The following PTPRD variants were observed in gnomAD, a reference collection of about 807,000 sequenced individuals.
PTPRD encodes the protein protein tyrosine phosphatase receptor type D, also known as receptor-type tyrosine-protein phosphatase delta.
A neutral mutation model predicts 214.5 loss-of-function variants in PTPRD; 34 were observed. That is an observed-to-expected ratio of 0.16 (90% CI 0.12 to 0.21). PTPRD has a LOEUF of 0.21. Among genes scored for constraint, PTPRD ranks in the 10% least tolerant of loss-of-function variants. PTPRD has a pLI of 1.00. For synonymous variants in PTPRD, 1,128 were observed against 845.7 expected (o/e 1.33, Z -5.79); for missense variants, 2,545 against 2,398.7 (o/e 1.06, Z -1.27).
At chr9:8,319,789 C>T (rs532960158) in intron 45 of PTPRD, 42 bp downstream of exon 45, 19 of 1,609,310 alleles carry the variant, frequency 1.2e-5, no homozygotes, top group Admixed American at 6.8e-5. Flanking sequence ...GCTAGCAAAA[C>T]GTAGGCTCTT....
intron 3 of PTPRD, among the ~76,000 whole-genome samples, chr9:10,334,038 GTA>G (rs1189668608): frequency 2.6e-5 from 4 of 151,604 alleles, no homozygotes; most frequent in Non-Finnish European, 4.4e-5. Flanking sequence ...AAACAGGCAA[GTA>G]TATATAGTGG....
At chr9:9,464,494 C>T (rs1052033959) in intron 8 of PTPRD, among the ~76,000 whole-genome samples, 2 of 152,096 alleles carry the variant, frequency 1.3e-5, no homozygotes, top group African/African-American at 2.4e-5. Flanking sequence ...CTATATATTG[C>T]TCTGTGTTTA....
rs1374009683 is a variant in PTPRD, at chr9:8,317,558, C to T, written c.*316G>A. 7 of 308,244 alleles carry T rather than the reference C, an allele frequency of 2.3e-5. No homozygotes were observed. Among genetic ancestry groups the T allele is most frequent in the Non-Finnish European group, 4.4e-5 (7 of 160,306 alleles). The allele number at this position is 308,244 out of a possible 1,614,324, so 19.1% of individuals were successfully genotyped here. A position where few individuals can be genotyped will look rare whatever the true frequency, so the allele number is the denominator to read the frequency against. On this transcript the variant is annotated 3_prime_UTR_variant, in exon 46 of 46. Coordinates refer to ENST00000381196, the MANE Select transcript of PTPRD (RefSeq NM_002839.4). ...TTCTCCTTGCACCTTTCAAGCAATC[C>T]TGAATAAGATGGTGGTTCTTTGCTG...
intron 10 of PTPRD, among the ~76,000 whole-genome samples, chr9:9,059,034 T>C (rs2099702338): frequency 6.6e-6 from 1 of 152,016 alleles, no homozygotes; most frequent in Non-Finnish European, 1.5e-5. Flanking sequence ...GGTCTTATAC[T>C]TAGGGAGAAG....
At chr9:9,257,455 A>T (rs2099978233) in intron 9 of PTPRD, among the ~76,000 whole-genome samples, 2 of 151,926 alleles carry the variant, frequency 1.3e-5, no homozygotes, top group African/African-American at 4.8e-5. Context: ...AGAGAAATTT[A>T]AAAACAGAAA....
chr9:10,353,536 G>A (rs2097217292), intron 2 of PTPRD, among the ~76,000 whole-genome samples: 1 of 151,922 alleles, frequency 6.6e-6, no homozygotes, highest in Non-Finnish European at 1.5e-5. Context: ...CATGGGAGAA[G>A]AGAGGATTTG....
At chr9:9,427,371 T>G (rs1184503940) in intron 8 of PTPRD, among the ~76,000 whole-genome samples, 1 of 151,248 alleles carries the variant, frequency 6.6e-6, no homozygotes, top group Non-Finnish European at 1.5e-5. Flanking sequence ...GAAAAAAGAG[T>G]AAAAAGAAAT....
intron 5 of PTPRD, among the ~76,000 whole-genome samples, chr9:9,826,451 T>C (rs1240535599): frequency 1.3e-5 from 2 of 151,992 alleles, no homozygotes; most frequent in African/African-American, 4.8e-5. Flanking sequence ...GGCTAGATTT[T>C]ATTTTCAGTC....
chr9:9,786,993 C>T (rs2098929327), intron 5 of PTPRD, among the ~76,000 whole-genome samples: 1 of 151,804 alleles, frequency 6.6e-6, no homozygotes, highest in African/African-American at 2.4e-5. Context: ...AAAAAATTAG[C>T]TTGTGTGGTG....
At chr9:10,213,430 G>A (rs186590151) in intron 3 of PTPRD, among the ~76,000 whole-genome samples, 16 of 152,176 alleles carry the variant, frequency 1.1e-4, no homozygotes, top group African/African-American at 3.1e-4. Flanking sequence ...CCTCCTTCAT[G>A]TTCTGTCTTT....
At chr9:9,104,447 T>C (rs2099795687) in intron 10 of PTPRD, among the ~76,000 whole-genome samples, 2 of 152,196 alleles carry the variant, frequency 1.3e-5, no homozygotes, top group African/African-American at 4.8e-5. Flanking sequence ...TAATTAAGTC[T>C]TGGCTAACAT....
At chr9:9,842,021 A>G (rs922533491) in intron 5 of PTPRD, among the ~76,000 whole-genome samples, 1 of 152,050 alleles carries the variant, frequency 6.6e-6, no homozygotes, top group African/African-American at 2.4e-5. Context: ...ACAACTATAC[A>G]TGTTTAATAT....
intron 9 of PTPRD, among the ~76,000 whole-genome samples, chr9:9,251,068 T>C (rs1354774569): frequency 6.6e-6 from 1 of 152,052 alleles, no homozygotes; most frequent in Non-Finnish European, 1.5e-5. Context: ...TCATTCTTTA[T>C]ACCACTTTTA....
chr9:9,511,960 T>C (rs986280533), intron 8 of PTPRD, among the ~76,000 whole-genome samples: 1 of 151,690 alleles, frequency 6.6e-6, no homozygotes, highest in African/African-American at 2.4e-5. Context: ...ACTAGACACA[T>C]GGTACATAAT....
chr9:10,106,633 G>A lies in PTPRD; in HGVS notation c.-544-72843C>T, dbSNP rs180954788. The stretch of plus-strand genomic sequence containing the variant: ...TGGGTTATGAGAGGACCATCTAGAT[G>A]ATAGAATCAACATCATCAGAAGAAT... On this transcript the variant is annotated intron_variant, in intron 3 of 45. Transcript: ENST00000381196. Among the ~76,000 whole-genome samples, 318 of 151,860 alleles carry A rather than the reference G, an allele frequency of 2.1e-3. 1 individual carries two copies. The highest frequency in any genetic ancestry group is 5.7e-3 in the African/African-American group (236 of 41,456).
chr9:9,356,975 C>G (rs550111264), intron 9 of PTPRD, among the ~76,000 whole-genome samples: 21 of 151,394 alleles, frequency 1.4e-4, no homozygotes, highest in African/African-American at 4.6e-4. Context: ...GGTCAAGCAA[C>G]CGGGTATAAA....
intron 2 of PTPRD, among the ~76,000 whole-genome samples, chr9:10,417,935 A>T (rs909992798): frequency 6.6e-6 from 1 of 151,748 alleles, no homozygotes; most frequent in Admixed American, 6.6e-5. Context: ...TTAAGTTTTA[A>T]AACATTTACA....
intron 11 of PTPRD, among the ~76,000 whole-genome samples, chr9:8,744,022 CA>C (rs2092466165): frequency 6.6e-6 from 1 of 151,706 alleles, no homozygotes; most frequent in African/African-American, 2.4e-5. Flanking sequence ...GGCCAACAAG[CA>C]TATGGAAAAA....
intron 2 of PTPRD, among the ~76,000 whole-genome samples, chr9:10,525,545 T>C (rs976339291): frequency 6.6e-6 from 1 of 152,150 alleles, no homozygotes; most frequent in African/African-American, 2.4e-5. Flanking sequence ...TAGTTCTAAG[T>C]TGATGTTATT....
Sources: allele counts gnomAD v4.1 joint callset (sites outside exome capture counted in the v4.1 genomes callset), GRCh38; gene constraint gnomAD v4.1.1; transcripts MANE v1.5; gene names NCBI Gene and HGNC (gene_info 2026-07-23, HGNC 2026-07-21).